PLEKHM3: variants seen among roughly 807,000 people sequenced by gnomAD.
PLEKHM3 encodes pleckstrin homology domain-containing family M member 3.
Under a neutral mutation model 81.8 loss-of-function variants are expected in PLEKHM3, and 45 were observed. The observed-to-expected ratio is 0.55, with a 90% confidence interval of 0.43 to 0.71. PLEKHM3 has a LOEUF of 0.71. Ranked by LOEUF, PLEKHM3 falls within the 30% of genes least tolerant of loss-of-function variation. The pLI is 0.00. For synonymous variants in PLEKHM3, 352 were observed against 356.4 expected (o/e 0.99, Z 0.14); for missense variants, 788 against 924.3 (o/e 0.85, Z 1.91).
At chr2:207,830,719 G>GTACACTTCTTCA in intron 7 of PLEKHM3, among the ~76,000 whole-genome samples, 1 of 146,564 alleles carries the variant, frequency 6.8e-6, no homozygotes, top group South Asian at 2.2e-4. Context: ...AGTGTCCTTA[G>GTACACTTCTTCA]AAGTGTCCTA....
chr2:207,898,631 G>A (rs947524709), intron 6 of PLEKHM3, among the ~76,000 whole-genome samples: 4 of 152,176 alleles, frequency 2.6e-5, no homozygotes, highest in Admixed American at 2.0e-4. Context: ...GGTGGTGCAA[G>A]CCTGTAGTCC....
chr2:207,897,643 G>T (rs535964407), intron 6 of PLEKHM3, among the ~76,000 whole-genome samples: 1 of 152,092 alleles, frequency 6.6e-6, no homozygotes, highest in East Asian at 1.9e-4. Context: ...CCGCTGCAGC[G>T]GCCAGCACCT....
intron 2 of PLEKHM3, among the ~76,000 whole-genome samples, chr2:207,991,673 G>T (rs1307266275): frequency 1.3e-5 from 2 of 152,134 alleles, no homozygotes; most frequent in African/African-American, 4.8e-5. Context: ...TTAAGAAAAT[G>T]ATCCTAACAC....
chr2:207,974,956 G>A (rs1373603882), intron 3 of PLEKHM3, among the ~76,000 whole-genome samples: 1 of 151,418 alleles, frequency 6.6e-6, no homozygotes, highest in Non-Finnish European at 1.5e-5. Flanking sequence ...TCAGCCTCCC[G>A]AGTAGCTGGG....
intron 6 of PLEKHM3, among the ~76,000 whole-genome samples, chr2:207,880,579 C>T (rs554085802): frequency 3.2e-4 from 48 of 148,526 alleles, no homozygotes; most frequent in Middle Eastern, 3.5e-3. Context: ...TTGGCTAACA[C>T]GGTGAAACCC....
intron 3 of PLEKHM3, among the ~76,000 whole-genome samples, chr2:207,947,036 AT>A (rs1205521835): frequency 6.6e-6 from 1 of 152,214 alleles, no homozygotes; most frequent in Non-Finnish European, 1.5e-5. Context: ...TCTAAATTGG[AT>A]GCTAAAATAA....
chr2:207,998,944 T>A (rs1692204649), intron 2 of PLEKHM3, among the ~76,000 whole-genome samples: 1 of 152,056 alleles, frequency 6.6e-6, no homozygotes, highest in African/African-American at 2.4e-5. Flanking sequence ...AGCAAAGCTA[T>A]GATTCTGCTA....
intron 3 of PLEKHM3, among the ~76,000 whole-genome samples, chr2:207,955,457 G>A (rs770073272): frequency 6.6e-6 from 1 of 151,970 alleles, no homozygotes; most frequent in African/African-American, 2.4e-5. Context: ...CACATTATAA[G>A]CAAACACCTT....
At chr2:207,993,476 A>G (rs1448414245) in intron 2 of PLEKHM3, among the ~76,000 whole-genome samples, 3 of 150,486 alleles carry the variant, frequency 2.0e-5, no homozygotes, top group Non-Finnish European at 4.4e-5. Context: ...AAAAGCAGTC[A>G]TTTTAGTATA....
At chr2:207,841,665 T>C (rs757416771) in intron 7 of PLEKHM3, among the ~76,000 whole-genome samples, 1 of 151,404 alleles carries the variant, frequency 6.6e-6, no homozygotes, top group Non-Finnish European at 1.5e-5. Context: ...CAATTCCTAA[T>C]ATGGAATAAT....
At chr2:207,995,186 T>C (rs1288246128) in intron 2 of PLEKHM3, among the ~76,000 whole-genome samples, 1 of 152,194 alleles carries the variant, frequency 6.6e-6, no homozygotes, top group African/African-American at 2.4e-5. Flanking sequence ...CCTAAGAAAC[T>C]GTGACCGGCT....
intron 6 of PLEKHM3, among the ~76,000 whole-genome samples, chr2:207,897,027 G>A (rs1456756018): frequency 6.6e-6 from 1 of 152,206 alleles, no homozygotes; most frequent in Non-Finnish European, 1.5e-5. Flanking sequence ...TCACTCAAGC[G>A]CAGGCCTAGG....
intron 2 of PLEKHM3, among the ~76,000 whole-genome samples, chr2:207,983,120 C>T (rs1462951424): frequency 3.5e-5 from 5 of 144,596 alleles, no homozygotes; most frequent in East Asian, 2.1e-4. Context: ...GGCATGATCT[C>T]GGCTTACTGC....
intron 7 of PLEKHM3, among the ~76,000 whole-genome samples, chr2:207,834,483 T>G (rs910952073): frequency 1.3e-5 from 2 of 148,316 alleles, no homozygotes; most frequent in African/African-American, 5.0e-5. Context: ...TGGAGTACAA[T>G]GGCGCAATCT....
intron 2 of PLEKHM3, among the ~76,000 whole-genome samples, chr2:207,978,711 A>G (rs577461168): frequency 6.6e-6 from 1 of 152,268 alleles, no homozygotes; most frequent in East Asian, 1.9e-4. Context: ...CTCCTTCCAC[A>G]GGCTTCAATC....
chr2:207,975,316 A>G (rs1420948146), intron 3 of PLEKHM3, among the ~76,000 whole-genome samples: 1 of 152,152 alleles, frequency 6.6e-6, no homozygotes, highest in Non-Finnish European at 1.5e-5. Context: ...GTGGGTTTTC[A>G]ATGGCCACCT....
intron 7 of PLEKHM3, among the ~76,000 whole-genome samples, chr2:207,833,730 C>G (rs1162702941): frequency 6.6e-6 from 1 of 152,154 alleles, no homozygotes; most frequent in Non-Finnish European, 1.5e-5. Flanking sequence ...AATGCCTCTG[C>G]GGGCAAAACC....
intron 1 of PLEKHM3, among the ~76,000 whole-genome samples, chr2:208,008,875 G>A (rs889695022): frequency 2.0e-5 from 3 of 152,102 alleles, no homozygotes; most frequent in South Asian, 2.1e-4. Flanking sequence ...TTATCCACAC[G>A]TGCAACTCCA....
chr2:208,008,122 C>T (rs901075424), intron 1 of PLEKHM3, among the ~76,000 whole-genome samples: 2 of 151,816 alleles, frequency 1.3e-5, no homozygotes, highest in Non-Finnish European at 2.9e-5. Flanking sequence ...CCTGTAGTCC[C>T]AGCTATTCAG....
Sources: allele counts gnomAD v4.1 joint callset (sites outside exome capture counted in the v4.1 genomes callset), GRCh38; gene constraint gnomAD v4.1.1; transcripts MANE v1.5; gene names NCBI Gene and HGNC (gene_info 2026-07-23, HGNC 2026-07-21).